The following ZBTB49 variants were observed in gnomAD, a reference collection of about 807,000 sequenced individuals.
ZBTB49 encodes the protein zinc finger and BTB domain-containing protein 49.
Under a neutral mutation model 57.5 loss-of-function variants are expected in ZBTB49, and 43 were observed. That is an observed-to-expected ratio of 0.75 (90% CI 0.59 to 0.97). The LOEUF is 0.97. ZBTB49 is among the 50% of genes least tolerant of loss of function. The pLI is 0.00. For missense variants in ZBTB49, 938 were observed against 947.7 expected (o/e 0.99, Z 0.13); for synonymous variants, 369 against 362.1 (o/e 1.02, Z -0.22).
In ZBTB49 at chr4:4,321,038, C is replaced by T. The variant is rs768439351; in HGVS notation, c.2020C>T (p.Pro674Ser). 2 of 1,614,158 alleles carry T rather than the reference C, an allele frequency of 1.2e-6. No homozygotes were observed. The highest frequency in any genetic ancestry group is 1.7e-6 in the Non-Finnish European group (2 of 1,180,030). The stretch of plus-strand genomic sequence containing the variant: ...TGACCAGGAGAAGCTGAGTTTGGAT[C>T]CTGGTAAACTTGCCAAGCCCCAGAT... ...VSDQEKLSLD[P>S]GKLAKPQMQQ... Residue 674 changes from proline (P) to serine (S), a missense_variant, in exon 8 of 8, where the codon CCT becomes TCT. By Grantham distance (74) the Pro-to-Ser change is moderately conservative (BLOSUM62 -1). Around this residue, in one of 3 missense-constraint regions of ZBTB49, gnomAD observed 835 missense variants for 819.1 expected, o/e 1.02. Transcript: ENST00000337872.
chr4:4,316,304 G>C (rs1188071858), intron 7 of ZBTB49, among the ~76,000 whole-genome samples: 2 of 152,324 alleles, frequency 1.3e-5, no homozygotes, highest in East Asian at 3.9e-4. Flanking sequence ...AAGGAGAGCA[G>C]CGGTCCCGCC....
intron 4 of ZBTB49, among the ~76,000 whole-genome samples, chr4:4,307,253 C>A (rs2916471): frequency 6.6e-6 from 1 of 152,216 alleles, no homozygotes; most frequent in South Asian, 2.1e-4. Context: ...TCCAGGAGAA[C>A]ACCCAGCAGC....
chr4:4,290,584 G>A (rs1285999986), intron 1 of ZBTB49, among the ~76,000 whole-genome samples: 10 of 152,240 alleles, frequency 6.6e-5, no homozygotes, highest in African/African-American at 2.4e-4. Context: ...CAGACGGCCA[G>A]GTTCCGGGCC....
intron 4 of ZBTB49, 63 bp from the exon 5 acceptor site, chr4:4,312,978 T>C (rs1721037742): frequency 6.5e-7 from 1 of 1,539,870 alleles, no homozygotes; most frequent in African/African-American, 1.4e-5. Context: ...CTTTTGAATT[T>C]ATATAATTTA....
At chr4:4,296,693 A>T (rs1037724560) in intron 1 of ZBTB49, among the ~76,000 whole-genome samples, 2 of 152,242 alleles carry the variant, frequency 1.3e-5, no homozygotes, top group South Asian at 2.1e-4. Flanking sequence ...ATGAGAAAGT[A>T]AAGTGGGGCA....
intron 3 of ZBTB49, among the ~76,000 whole-genome samples, chr4:4,304,825 G>C (rs1720667790): frequency 6.6e-6 from 1 of 152,148 alleles, no homozygotes; most frequent in Non-Finnish European, 1.5e-5. Context: ...CCTCACCCTG[G>C]TGGCCTGTGA....
chr4:4,303,555 A>C (rs973452236), intron 3 of ZBTB49, among the ~76,000 whole-genome samples: 1 of 152,192 alleles, frequency 6.6e-6, no homozygotes, highest in Admixed American at 6.5e-5. Flanking sequence ...TTGAGTGTCT[A>C]ATTTTTAAAA....
chr4:4,299,375 C>G (rs1398046000), intron 1 of ZBTB49, among the ~76,000 whole-genome samples: 1 of 150,906 alleles, frequency 6.6e-6, no homozygotes. Context: ...TTGACCTGTA[C>G]CTTATCTCCC....
intron 7 of ZBTB49, among the ~76,000 whole-genome samples, chr4:4,317,034 A>G (rs1486633988): frequency 6.6e-6 from 1 of 152,248 alleles, no homozygotes; most frequent in Non-Finnish European, 1.5e-5. Context: ...ATCTCAAAGC[A>G]TCAGTAGTGT....
intron 2 of ZBTB49, among the ~76,000 whole-genome samples, chr4:4,300,484 CAT>C (rs1406530966): frequency 6.6e-6 from 1 of 152,036 alleles, no homozygotes; most frequent in Non-Finnish European, 1.5e-5. Flanking sequence ...AGGGGAAAAA[CAT>C]ATTTGGTGTT....
At chr4:4,304,709 G>A (rs1192302335) in intron 3 of ZBTB49, among the ~76,000 whole-genome samples, 1 of 152,062 alleles carries the variant, frequency 6.6e-6, no homozygotes, top group Non-Finnish European at 1.5e-5. Flanking sequence ...TTGGGGGTCT[G>A]TGAGGCCAAC....
chr4:4,297,556 A>C (rs1234202367), intron 1 of ZBTB49, among the ~76,000 whole-genome samples: 1 of 152,112 alleles, frequency 6.6e-6, no homozygotes, highest in African/African-American at 2.4e-5. Flanking sequence ...AGGCTGAGGT[A>C]GGCAGATTGC....
chr4:4,313,438 C>T (rs761262960), intron 5 of ZBTB49, among the ~76,000 whole-genome samples: 6 of 151,940 alleles, frequency 3.9e-5, no homozygotes, highest in Non-Finnish European at 8.8e-5. Context: ...GATTAATGCC[C>T]CCAAGGAGGT....
Position 4,318,792 on chromosome 4 carries a change from AGC to A in ZBTB49, c.1622-1847_1622-1846del, listed in dbSNP as rs369577682. 3.9e-3 allele frequency among the ~76,000 whole-genome samples: 589 copies of A among 152,196 alleles called. 4 individuals are homozygous for A. The highest frequency in any genetic ancestry group is 0.024 in the Middle Eastern group (7 of 292). Reference sequence around the variant, plus strand: ...CTTTCACTCTAGTGTTCTGTGAAGGAGCCTGAGCCTTACATTGTGGACAAAAC... The same window carrying A: ...CTTTCACTCTAGTGTTCTGTGAAGGACTGAGCCTTACATTGTGGACAAAAC... On this transcript the variant is annotated intron_variant, in intron 7 of 7. Coordinates refer to ENST00000337872, the MANE Select transcript of ZBTB49 (RefSeq NM_145291.4).
intron 1 of ZBTB49, among the ~76,000 whole-genome samples, chr4:4,299,294 C>A (rs755540808): frequency 1.3e-5 from 2 of 150,900 alleles, no homozygotes; most frequent in African/African-American, 4.8e-5. Flanking sequence ...TAGGGAGGCA[C>A]AAAGGCACGA....
chr4:4,299,879 A>G lies in ZBTB49; in HGVS notation c.-19-48A>G. 3.8e-6 allele frequency: 6 copies of G among 1,578,060 alleles called. No homozygotes were observed. In the South Asian group the frequency reaches 6.9e-5, roughly 18 times the overall value. ...TAAGTTTCAGTCCCATTTAGTTTCCAGTGAGGTCCTTAAGAATATCTGTCG... is the reference window on the plus strand; with the variant it reads ...TAAGTTTCAGTCCCATTTAGTTTCCGGTGAGGTCCTTAAGAATATCTGTCG... On this transcript the variant is annotated intron_variant, in intron 1 of 7. Coordinates refer to ENST00000337872, the MANE Select transcript of ZBTB49 (RefSeq NM_145291.4).
rs1348886787 is a variant in ZBTB49, at chr4:4,302,902, A to G, written c.1066A>G (p.Lys356Glu). Residue 356 changes from lysine to glutamate, a missense_variant, in exon 3 of 8, where the codon AAA (lysine) becomes GAA (glutamate). Physicochemically the swap from Lys to Glu is moderately conservative, Grantham distance 56. Transcript: ENST00000337872. ...EKASSQSAEE[K>E]ESEEVVSCEN... ...AGCTAGCAGCCAAAGTGCTGAAGAAAAAGAAAGTGAAGAAGTCGTCAGTTG... is the reference window on the plus strand; with the variant it reads ...AGCTAGCAGCCAAAGTGCTGAAGAAGAAGAAAGTGAAGAAGTCGTCAGTTG... 6.2e-7 allele frequency: 1 copy of G among 1,614,220 alleles called. No individual in the cohort carries two copies. Among genetic ancestry groups the G allele is most frequent in the Non-Finnish European group, 8.5e-7 (1 of 1,180,034 alleles).
Position 4,313,113 on chromosome 4 carries a change from A to G in ZBTB49, c.1375A>G (p.Arg459Gly). The change falls in exon 5 of 8, where the codon AGG (arginine) becomes GGG (glycine). Residue 459 changes from arginine to glycine, a missense_variant and splice_region_variant. Arg to Gly is a moderately radical substitution (Grantham distance 125). Around this residue, in one of 3 missense-constraint regions of ZBTB49, gnomAD observed 835 missense variants for 819.1 expected, o/e 1.02. Coordinates refer to ENST00000337872, the MANE Select transcript of ZBTB49 (RefSeq NM_145291.4). Reference sequence around the variant, plus strand: ...ATACATCTGCGAGATCTGTGGAAAGAGGTCAGTGCTGGGCGTGTTCTTCCG... The same window carrying G: ...ATACATCTGCGAGATCTGTGGAAAGGGGTCAGTGCTGGGCGTGTTCTTCCG... ...KPYICEICGKRFAASGDVQRH... is the reference protein window; with the variant it reads ...KPYICEICGKGFAASGDVQRH... 6.2e-7 allele frequency: 1 copy of G among 1,614,138 alleles called. No individual in the cohort carries two copies. Among genetic ancestry groups the G allele is most frequent in the Non-Finnish European group, 8.5e-7 (1 of 1,180,010 alleles).
chr4:4,302,955 G>T lies in ZBTB49; in HGVS notation c.1119G>T (p.Thr373=). The T allele has an allele frequency of 6.2e-7, 1 of 1,614,152 alleles. No individual in the cohort carries two copies. Among genetic ancestry groups the T allele is most frequent in the African/African-American group, 1.3e-5 (1 of 75,030 alleles). The part of the protein sequence containing the change: ...SCENFNCISE[T]ERPEDPAALE... The stretch of plus-strand genomic sequence containing the variant: ...AGAATTTTAATTGCATTAGTGAGAC[G>T]GAGAGGCCTGAAGACCCGGCTGCCC... The change falls in exon 3 of 8, where the codon ACG becomes ACT. Residue 373 remains threonine, a synonymous_variant. Transcript: ENST00000337872.
Sources: gnomAD v4.1 joint callset for allele counts (sites outside exome capture counted in the v4.1 genomes callset) on GRCh38, gnomAD v4.1.1 for gene constraint, gnomAD v4.1.1 regional missense constraint, MANE v1.5 for transcripts, NCBI Gene and HGNC (gene_info 2026-07-23, HGNC 2026-07-21) for gene names.